The following PDE11A variants were observed in gnomAD, a reference collection of about 807,000 sequenced individuals.
PDE11A encodes the protein dual 3',5'-cyclic-AMP and -GMP phosphodiesterase 11A.
PDE11A carries 100 observed loss-of-function variants against 100.5 expected under a neutral mutation model. That is an observed-to-expected ratio of 1.00 (90% CI 0.85 to 1.18). The LOEUF (loss-of-function observed/expected upper bound fraction) is 1.18, where lower values mean the gene tolerates loss of function less well. Among genes scored for constraint, PDE11A ranks in the 50% most tolerant of loss-of-function variants. The probability of loss-of-function intolerance (pLI) is 0.00; values close to 1 mark genes in which losing one functional copy is unlikely to be tolerated. For missense variants in PDE11A, 1,141 were observed against 1,152.6 expected (o/e 0.99, Z 0.15); for synonymous variants, 381 against 420.8 (o/e 0.91, Z 1.16).
chr2:177,817,114 C>T (rs1477655462), intron 8 of PDE11A, among the ~76,000 whole-genome samples, 193 bp from the exon 9 acceptor site: 2 of 144,036 alleles, frequency 1.4e-5, no homozygotes, highest in Non-Finnish European at 3.1e-5. Context: ...TCACACTGCA[C>T]ATGAGGAAAA....
intron 19 of PDE11A, among the ~76,000 whole-genome samples, chr2:177,657,978 A>T (rs941276): frequency 6.6e-6 from 1 of 152,002 alleles, no homozygotes; most frequent in South Asian, 2.1e-4. Flanking sequence ...GGGGGTGGTG[A>T]AGGGGGCTTG....
In PDE11A at chr2:177,625,173, T is replaced by C. The variant is rs1203867451; in HGVS notation, c.*4234A>G. ...TCTGTAGTATGATTGTGCTTACATC[T>C]ACCCCATATATGTAAGTTTTATTAT... On this transcript the variant is annotated 3_prime_UTR_variant, in exon 20 of 20. Coordinates refer to ENST00000286063, the MANE Select transcript of PDE11A (RefSeq NM_016953.4). 6.5e-6 allele frequency: 1 copy of C among 152,702 alleles called. No individual in the cohort carries two copies. The highest frequency in any genetic ancestry group is 1.5e-5 in the Non-Finnish European group (1 of 68,054). The allele number at this position is 152,702 out of a possible 1,614,324, so 9.5% of individuals were successfully genotyped here.
intron 18 of PDE11A, among the ~76,000 whole-genome samples, chr2:177,665,417 C>G (rs983108616): frequency 6.7e-6 from 1 of 150,198 alleles, no homozygotes; most frequent in African/African-American, 2.5e-5. Flanking sequence ...GATGTCGAGG[C>G]TGTATTGAGC....
chr2:177,737,360 C>T lies in PDE11A; in HGVS notation c.1789-9188G>A, dbSNP rs1034265236. Among the ~76,000 whole-genome samples, 7 of 151,426 alleles carry T rather than the reference C, an allele frequency of 4.6e-5. No homozygotes were observed. The South Asian group carries it at 6.3e-4, about 14-fold the overall frequency. The stretch of plus-strand genomic sequence containing the variant: ...TTGGGAGGCTGAAGTGGACAGATCA[C>T]GAGGTCAGGAGATCGAGACCATCCT... On this transcript the variant is annotated intron_variant, in intron 10 of 19. Coordinates refer to ENST00000286063, the MANE Select transcript of PDE11A (RefSeq NM_016953.4).
At chr2:177,995,472 A>G (rs1222870841) in intron 2 of PDE11A, among the ~76,000 whole-genome samples, 1 of 152,194 alleles carries the variant, frequency 6.6e-6, no homozygotes, top group Non-Finnish European at 1.5e-5. Flanking sequence ...ATCACAAACT[A>G]TTCCTAAAAA....
intron 5 of PDE11A, among the ~76,000 whole-genome samples, chr2:177,845,206 C>A (rs1444156135): frequency 6.6e-6 from 1 of 150,824 alleles, no homozygotes; most frequent in Non-Finnish European, 1.5e-5. Flanking sequence ...GGGTGGCTGC[C>A]GGGCGGAGAC....
chr2:177,685,672 G>A (rs554186061), intron 15 of PDE11A, among the ~76,000 whole-genome samples: 46 of 151,986 alleles, frequency 3.0e-4, no homozygotes, highest in Non-Finnish European at 2.9e-5. Context: ...GGGTTCAAGC[G>A]ATTCTCTGCC....
At chr2:178,052,085 T>A (rs973834600) in intron 1 of PDE11A, among the ~76,000 whole-genome samples, 2 of 152,134 alleles carry the variant, frequency 1.3e-5, no homozygotes, top group Non-Finnish European at 2.9e-5. Flanking sequence ...ACACCACACC[T>A]ATTCCAAAAT....
intron 10 of PDE11A, among the ~76,000 whole-genome samples, chr2:177,758,246 G>C (rs1234634429): frequency 1.4e-5 from 2 of 144,668 alleles, no homozygotes; most frequent in South Asian, 4.4e-4. Context: ...GCAGTGAGCC[G>C]AGATGGCGCC....
chr2:177,919,030 C>T (rs2084996021), intron 2 of PDE11A, among the ~76,000 whole-genome samples: 1 of 151,836 alleles, frequency 6.6e-6, no homozygotes, highest in African/African-American at 2.4e-5. Context: ...ATGCAAAAAT[C>T]AAACCTACAG....
At chr2:177,827,875 G>C (rs1327543956) in intron 6 of PDE11A, among the ~76,000 whole-genome samples, 1 of 152,140 alleles carries the variant, frequency 6.6e-6, no homozygotes, top group Non-Finnish European at 1.5e-5. Context: ...CATGCTATTG[G>C]GGCAATCTCA....
chr2:177,996,734 A>T (rs2086080518), intron 2 of PDE11A, among the ~76,000 whole-genome samples: 1 of 152,182 alleles, frequency 6.6e-6, no homozygotes, highest in Non-Finnish European at 1.5e-5. Context: ...AGCTTTATTA[A>T]ACAATGAAAA....
At chr2:177,988,690 A>G (rs959962812) in intron 2 of PDE11A, among the ~76,000 whole-genome samples, 1 of 152,222 alleles carries the variant, frequency 6.6e-6, no homozygotes, top group African/African-American at 2.4e-5. Flanking sequence ...GTCTAACTCT[A>G]TTCTCATGTG....
At chr2:177,856,138 C>T (rs2083829057) in intron 5 of PDE11A, among the ~76,000 whole-genome samples, 1 of 151,432 alleles carries the variant, frequency 6.6e-6, no homozygotes, top group African/African-American at 2.5e-5. Context: ...TTAAGGAAAT[C>T]TCTGTCCCAT....
intron 2 of PDE11A, among the ~76,000 whole-genome samples, chr2:177,999,297 A>G (rs747229818): frequency 2.0e-5 from 3 of 152,218 alleles, no homozygotes; most frequent in Non-Finnish European, 4.4e-5. Flanking sequence ...TCATCCAAGG[A>G]TCGTGGTTCT....
chr2:177,767,072 C>T (rs1837163), intron 10 of PDE11A, among the ~76,000 whole-genome samples: 1,607 of 152,302 alleles, frequency 0.011, 29 homozygotes, highest in African/African-American at 0.037. Flanking sequence ...TGGCTCATGC[C>T]TGTAATCCCA....
chr2:177,680,735 A>T, intron 16 of PDE11A, 91 bp downstream of exon 16: 1 of 687,122 alleles, frequency 1.5e-6, no homozygotes. Flanking sequence ...TACTTTAAAA[A>T]TCACTTCTAT....
intron 1 of PDE11A, among the ~76,000 whole-genome samples, chr2:178,058,438 G>T (rs2086926310): frequency 6.6e-6 from 1 of 152,088 alleles, no homozygotes; most frequent in African/African-American, 2.4e-5. Flanking sequence ...TTAAAAATGG[G>T]AGTTTCCCTG....
intron 1 of PDE11A, among the ~76,000 whole-genome samples, chr2:178,058,586 T>G (rs1487635823): frequency 6.6e-6 from 1 of 152,166 alleles, no homozygotes; most frequent in Non-Finnish European, 1.5e-5. Context: ...CAGTCTCGGG[T>G]ATGTCTTTAT....
Sources: gnomAD v4.1 joint callset for allele counts (sites outside exome capture counted in the v4.1 genomes callset) on GRCh38, gnomAD v4.1.1 for gene constraint, MANE v1.5 for transcripts, NCBI Gene and HGNC (gene_info 2026-07-23, HGNC 2026-07-21) for gene names.